The following RPS7 variants were observed in gnomAD, a reference collection of about 807,000 sequenced individuals.
RPS7 encodes small ribosomal subunit protein eS7.
A neutral mutation model predicts 22.1 loss-of-function variants in RPS7; 1 was observed. The observed-to-expected ratio is 0.05, with a 90% CI of 0.02 to 0.21. RPS7 has a LOEUF of 0.21. RPS7 is among the 10% of genes least tolerant of loss of function. The pLI, the probability that RPS7 is intolerant of heterozygous loss-of-function variation, is 1.00. For missense variants in RPS7, 137 were observed against 246.4 expected (o/e 0.56, Z 2.97); for synonymous variants, 80 against 92.0 (o/e 0.87, Z 0.74).
In RPS7 at chr2:3,580,169, T is replaced by C; in HGVS notation, c.416T>C (p.Ile139Thr). 2 of 1,613,226 alleles carry C rather than the reference T, an allele frequency of 1.2e-6. No homozygotes were observed. The highest frequency in any genetic ancestry group is 1.7e-6 in the Non-Finnish European group (2 of 1,179,676). Residue 139 changes from isoleucine (I) to threonine (T), a missense_variant, in exon 6 of 7, where the codon ATT becomes ACT. Transcript: ENST00000645674. Reference protein sequence around the residue: ...ILEDLVFPSEIVGKRIRVKLD... With the variant: ...ILEDLVFPSETVGKRIRVKLD... ...GAGGACTTGGTCTTCCCAAGCGAAATTGTGGGCAAGAGAATCCGCGTCAAA... is the reference window on the plus strand; with the variant it reads ...GAGGACTTGGTCTTCCCAAGCGAAACTGTGGGCAAGAGAATCCGCGTCAAA...
intron 6 of RPS7, 107 bp from the exon 7 acceptor site, chr2:3,580,698 A>T (rs1260766133): frequency 4.0e-6 from 3 of 741,832 alleles, no homozygotes; most frequent in African/African-American, 3.5e-5. Context: ...GTGTGTACTT[A>T]GTTGCTGAGG....
chr2:3,575,386 T>C, intron 1 of RPS7, 36 bp downstream of exon 1: 1 of 570,860 alleles, frequency 1.8e-6, no homozygotes, highest in Non-Finnish European at 3.1e-6. Flanking sequence ...AGAACTTTTC[T>C]TCTTGGGTTG....
In RPS7 at chr2:3,580,247, A is replaced by G. The variant is rs1334192066; in HGVS notation, c.494A>G (p.Asn165Ser). The change falls in exon 6 of 7, where the codon AAT (asparagine) becomes AGT (serine). Residue 165 changes from asparagine to serine, a missense_variant. Asn to Ser is a conservative substitution (Grantham distance 46, BLOSUM62 1). Transcript: ENST00000645674. ...KVHLDKAQQNNVEHKVETFSG... is the reference protein window; with the variant it reads ...KVHLDKAQQNSVEHKVETFSG... ...CATTTGGACAAAGCACAGCAGAACAATGTGGAACACAAGGTAATAGGTCAA... is the reference window on the plus strand; with the variant it reads ...CATTTGGACAAAGCACAGCAGAACAGTGTGGAACACAAGGTAATAGGTCAA... 2 of 1,613,876 alleles carry G rather than the reference A, an allele frequency of 1.2e-6. No individual in the cohort carries two copies. The highest frequency in any genetic ancestry group is 1.7e-5 in the Admixed American group (1 of 59,982).
rs1472966221 is a variant in RPS7, at chr2:3,576,868, A to C, written c.291+238A>C. The C allele has an allele frequency of 1.8e-5, 10 of 556,836 alleles. No individual in the cohort carries two copies. The East Asian group carries it at 3.2e-4, about 18-fold the overall frequency. 34.5% of individuals were successfully genotyped at this position (556,836 alleles called of 1,614,324 possible). A position where few individuals can be genotyped will look rare whatever the true frequency, so the allele number is the denominator to read the frequency against. On this transcript the variant is annotated intron_variant, in intron 4 of 6. Coordinates refer to ENST00000645674, the MANE Select transcript of RPS7 (RefSeq NM_001011.4). The stretch of plus-strand genomic sequence containing the variant: ...GGCAACATGGTAAGACCCTGTCTAC[A>C]AAAAATAGAAAAAATAAGTTTTAAA...
intron 6 of RPS7, 121 bp from the exon 7 acceptor site, chr2:3,580,684 T>C: frequency 1.4e-6 from 1 of 717,820 alleles, no homozygotes; most frequent in Non-Finnish European, 2.5e-6. Flanking sequence ...GCTGCAGACA[T>C]GTTGTGTGTA....
At chr2:3,576,801 C>T (rs567236944) in intron 4 of RPS7, 171 bp downstream of exon 4, 4 of 835,180 alleles carry the variant, frequency 4.8e-6, no homozygotes, top group African/African-American at 3.3e-5. Flanking sequence ...AATCCCAGCA[C>T]GGGGAGGTGG....
chr2:3,580,646 G>A (rs1008215576), intron 6 of RPS7, 159 bp from the exon 7 acceptor site: 1 of 669,358 alleles, frequency 1.5e-6, no homozygotes, highest in African/African-American at 1.8e-5. Flanking sequence ...CAGCATTGGA[G>A]AAGAGCTTGT....
chr2:3,575,387 T>C, intron 1 of RPS7, 37 bp downstream of exon 1: 2 of 570,294 alleles, frequency 3.5e-6, no homozygotes, highest in Non-Finnish European at 6.2e-6. Flanking sequence ...GAACTTTTCT[T>C]CTTGGGTTGA....
intron 4 of RPS7, chr2:3,577,065 G>A (rs527490911): frequency 6.2e-5 from 16 of 259,516 alleles, no homozygotes; most frequent in African/African-American, 3.2e-4. Flanking sequence ...GCCGGGCCCT[G>A]TGGCTCACTC....
chr2:3,579,870 A>T (rs1661360395), intron 5 of RPS7: 1 of 583,156 alleles, frequency 1.7e-6, no homozygotes, highest in Non-Finnish European at 3.0e-6. Context: ...AGTTTATCCC[A>T]GAGTAACATT....
intron 1 of RPS7, 93 bp from the exon 2 acceptor site, chr2:3,575,499 G>A: frequency 2.5e-6 from 2 of 808,524 alleles, no homozygotes; most frequent in Non-Finnish European, 4.2e-6. Context: ...GCTTCTGCGG[G>A]GCGAGCGGGG....
At chr2:3,576,318 G>C (rs922844758) in intron 3 of RPS7, 169 bp from the exon 4 acceptor site, 51 of 713,716 alleles carry the variant, frequency 7.1e-5, no homozygotes, top group Non-Finnish European at 1.2e-4. Flanking sequence ...GTGAAGGTTG[G>C]AGAGAGATGA....
At chr2:3,576,690 T>C (rs1184400125) in intron 4 of RPS7, 60 bp downstream of exon 4, 1 of 1,552,950 alleles carries the variant, frequency 6.4e-7, no homozygotes, top group East Asian at 2.2e-5. Context: ...ATTGCTTGTA[T>C]TTAGACTGCA....
chr2:3,579,433 A>G, intron 5 of RPS7: 1 of 155,298 alleles, frequency 6.4e-6, no homozygotes, highest in South Asian at 2.0e-4. Context: ...GTTAGCTACT[A>G]TGGGGTGAGA....
intron 3 of RPS7, 119 bp from the exon 4 acceptor site, chr2:3,576,368 T>G: frequency 1.2e-6 from 1 of 863,876 alleles, no homozygotes; most frequent in East Asian, 2.4e-5. Flanking sequence ...AACTCAAAAC[T>G]AGTATTAGTT....
Position 3,577,585 on chromosome 2 carries a change from T to C in RPS7, c.292-125T>C, listed in dbSNP as rs72767176. 149,190 of 715,918 alleles carry C rather than the reference T, an allele frequency of 0.21. 16,264 individuals are homozygous for C. The highest frequency in any genetic ancestry group is 0.26 in the African/African-American group (14,676 of 56,514). The allele number at this position is 715,918 out of a possible 1,614,324, so 44.3% of individuals were successfully genotyped here. A position where few individuals can be genotyped will look rare whatever the true frequency, so the allele number is the denominator to read the frequency against. On this transcript the variant is annotated intron_variant, in intron 4 of 6. Coordinates refer to ENST00000645674, the MANE Select transcript of RPS7 (RefSeq NM_001011.4). ...CAGTCAATTGTTCGTCTAAGTTGTT[T>C]AGCCTTCTCGAACTTTGAACTTACC...
chr2:3,580,239 G>A lies in RPS7; in HGVS notation c.486G>A (p.Gln162=), dbSNP rs770777500. The A allele has an allele frequency of 1.2e-6, 2 of 1,613,626 alleles. No homozygotes were observed. Among genetic ancestry groups the A allele is most frequent in the African/African-American group, 2.7e-5 (2 of 74,810 alleles). The change falls in exon 6 of 7, where the codon CAG becomes CAA. Residue 162 remains glutamine, a synonymous_variant. Coordinates refer to ENST00000645674, the MANE Select transcript of RPS7 (RefSeq NM_001011.4). The part of the protein sequence containing the change: ...RLIKVHLDKA[Q]QNNVEHKVET... ...TAAAGGTTCATTTGGACAAAGCACA[G>A]CAGAACAATGTGGAACACAAGGTAA...
intron 6 of RPS7, chr2:3,580,545 G>T: frequency 1.6e-6 from 1 of 623,966 alleles, no homozygotes; most frequent in South Asian, 1.9e-5. Context: ...GGTGGTGATG[G>T]GATCAGTGTC....
chr2:3,580,283 T>C (rs577461063), intron 6 of RPS7, 23 bp downstream of exon 6: 2 of 1,611,520 alleles, frequency 1.2e-6, no homozygotes, highest in Admixed American at 3.3e-5. Flanking sequence ...CATTTTATCA[T>C]GGAAAGGTTC....
Sources: allele counts gnomAD v4.1 joint callset, GRCh38; gene constraint gnomAD v4.1.1; transcripts MANE v1.5; gene names NCBI Gene and HGNC (gene_info 2026-07-23, HGNC 2026-07-21).